Variants in CACNA1C observed in about 807,000 individuals in gnomAD.
CACNA1C encodes voltage-dependent L-type calcium channel subunit alpha-1C.
A neutral mutation model predicts 229.0 loss-of-function variants in CACNA1C; 30 were observed. That is an observed-to-expected ratio of 0.13 (90% CI 0.10 to 0.18). The LOEUF (loss-of-function observed/expected upper bound fraction) is 0.18, where lower values mean the gene tolerates loss of function less well. CACNA1C is among the 10% of genes least tolerant of loss of function. The pLI is 1.00. For missense variants in CACNA1C, 1,658 were observed against 2,845.0 expected (o/e 0.58, Z 9.49); for synonymous variants, 1,114 against 1,132.5 (o/e 0.98, Z 0.33).
Position 2,410,356 on chromosome 12 carries a change from C to T in CACNA1C, c.478-38620C>T, listed in dbSNP as rs951574944. ...AAAGGGCACAAGGCCCTTCGTGTCC[C>T]ACCACCTCCCTTCTCTCTGGAATCA... On this transcript the variant is annotated intron_variant, in intron 3 of 46. Coordinates refer to ENST00000399655, the MANE Select transcript of CACNA1C (RefSeq NM_000719.7). The surrounding 1 kb of genome is among the most constrained non-coding windows in gnomAD (Gnocchi z 5.3). Among the ~76,000 whole-genome samples the T allele has an allele frequency of 1.3e-5, 2 of 152,196 alleles. No individual in the cohort carries two copies. Among genetic ancestry groups the T allele is most frequent in the Non-Finnish European group, 2.9e-5 (2 of 68,036 alleles).
Position 2,471,640 on chromosome 12 carries a change from C to A in CACNA1C, c.757+13934C>A, listed in dbSNP as rs138957881. ...TTTCTTTCAGAACTTTAAAGATGTT[C>A]CATTTTCTCCTGGTTTCCACTGTCT... is the stretch of plus-strand genomic sequence containing the variant. On this transcript the variant is annotated intron_variant, in intron 5 of 46. Coordinates refer to ENST00000399655, the MANE Select transcript of CACNA1C (RefSeq NM_000719.7). Among the ~76,000 whole-genome samples the A allele has an allele frequency of 9.9e-5, 15 of 151,710 alleles. No individual in the cohort carries two copies. In the East Asian group the frequency reaches 2.7e-3, roughly 27 times the overall value.
chr12:2,484,794 A>G (rs1597718630), intron 5 of CACNA1C, among the ~76,000 whole-genome samples: 1 of 150,488 alleles, frequency 6.6e-6, no homozygotes, highest in Admixed American at 6.7e-5. Flanking sequence ...ACTAATGTGT[A>G]TACAACTTGC....
rs774180651 is a variant in CACNA1C, at chr12:2,108,631, G to T, written c.50-6593G>T. ...GGAGGGTGGAAGAGCTGCTGAGACC[G>T]CAAGTTTACCAGCCTCCCACCCACC... On this transcript the variant is annotated intron_variant, in intron 1 of 46. Transcript: ENST00000399655. This position sits in a 1 kb window ranked among gnomAD's most constrained non-coding sequence, Gnocchi z 5.3. 6.6e-6 allele frequency among the ~76,000 whole-genome samples: 1 copy of T among 152,168 alleles called. No individual in the cohort carries two copies. Among genetic ancestry groups the T allele is most frequent in the East Asian group, 1.9e-4 (1 of 5,188 alleles).
chr12:2,397,601 G>C (rs2098606692), intron 3 of CACNA1C, among the ~76,000 whole-genome samples: 1 of 152,226 alleles, frequency 6.6e-6, no homozygotes, highest in Admixed American at 6.5e-5. Context: ...GTGGTTGCAG[G>C]GGAATTTATG....
At chr12:2,093,837 G>A (rs1324299297) in intron 1 of CACNA1C, among the ~76,000 whole-genome samples, 1 of 152,230 alleles carries the variant, frequency 6.6e-6, no homozygotes, top group Non-Finnish European at 1.5e-5. Flanking sequence ...CCTAGTGCCT[G>A]CAGTTGCAGG....
chr12:2,147,556 A>G (rs1205454114), intron 3 of CACNA1C, among the ~76,000 whole-genome samples: 1 of 151,270 alleles, frequency 6.6e-6, no homozygotes, highest in African/African-American at 2.4e-5. Context: ...CATTAACTGC[A>G]TTATTGATGG....
At position 2,596,017 on chromosome 12, in the gene CACNA1C, G is replaced by C; in HGVS notation, c.2793+14G>C. 2 of 1,606,848 alleles carry C rather than the reference G, an allele frequency of 1.2e-6. No homozygotes were observed. Among genetic ancestry groups the C allele is most frequent in the South Asian group, 1.1e-5 (1 of 90,156 alleles). ...TTCAGGAACCATGTATGCATCGCCT[G>C]TGTCTTCTGCACTCCTTCCCCCTGG... On this transcript the variant is annotated intron_variant, in intron 20 of 46. Coordinates refer to ENST00000399655, the MANE Select transcript of CACNA1C (RefSeq NM_000719.7).
chr12:2,374,330 A>G lies in CACNA1C; in HGVS notation c.478-74646A>G, dbSNP rs566704138. On this transcript the variant is annotated intron_variant, in intron 3 of 46. Transcript: ENST00000399655. ...TATGTGGTTTTTTATTGTGGTGGCA[A>G]TTGTTTTTGCCATTTTCTGCTTTGG... Among the ~76,000 whole-genome samples, 305 of 152,264 alleles carry G rather than the reference A, an allele frequency of 2.0e-3. 3 individuals carry two copies. The highest frequency in any genetic ancestry group is 7.1e-3 in the African/African-American group (295 of 41,540).
intron 3 of CACNA1C, among the ~76,000 whole-genome samples, chr12:2,247,569 T>G (rs1463145320): frequency 1.3e-5 from 2 of 152,296 alleles, no homozygotes; most frequent in African/African-American, 4.8e-5. Flanking sequence ...CATGGCTGAG[T>G]TTCAGGCTTC....
chr12:2,609,898 C>T (rs929439959), intron 27 of CACNA1C, among the ~76,000 whole-genome samples: 6 of 151,944 alleles, frequency 3.9e-5, no homozygotes, highest in Non-Finnish European at 5.9e-5. Flanking sequence ...CCAAGGTGGG[C>T]GGATCACTTG....
chr12:1,992,495 A>G (rs2039667401), intron 1 of CACNA1C: 1 of 153,742 alleles, frequency 6.5e-6, no homozygotes, highest in African/African-American at 2.4e-5. Flanking sequence ...TCCACAAAGC[A>G]TAAGGTGCAT....
At chr12:2,378,448 A>T (rs1330183414) in intron 3 of CACNA1C, among the ~76,000 whole-genome samples, 2 of 152,216 alleles carry the variant, frequency 1.3e-5, no homozygotes, top group African/African-American at 4.8e-5. Context: ...GCCTGTCTTC[A>T]TTACCCATGA....
intron 9 of CACNA1C, among the ~76,000 whole-genome samples, chr12:2,534,821 C>T (rs865994905): frequency 5.3e-5 from 8 of 152,202 alleles, no homozygotes; most frequent in Admixed American, 1.3e-4. Context: ...AAGGTGGTGG[C>T]GAGGTCTCTT....
intron 3 of CACNA1C, among the ~76,000 whole-genome samples, chr12:2,437,541 A>G (rs908124691): frequency 2.0e-5 from 3 of 152,188 alleles, no homozygotes; most frequent in African/African-American, 7.2e-5. Context: ...TATATTGGAG[A>G]TAGTTTTTAC....
chr12:2,068,541 A>C (rs2060194950), intron 1 of CACNA1C, among the ~76,000 whole-genome samples: 2 of 152,228 alleles, frequency 1.3e-5, no homozygotes, highest in Admixed American at 6.5e-5. Flanking sequence ...TTGACTTCTC[A>C]TAGATGCCAA....
chr12:2,424,823 A>G (rs1230866713), intron 3 of CACNA1C, among the ~76,000 whole-genome samples: 4 of 152,230 alleles, frequency 2.6e-5, no homozygotes, highest in African/African-American at 4.8e-5. Context: ...GGCCATGGGC[A>G]TGGGCGCTGA....
rs909911423 is a variant in CACNA1C, at chr12:2,410,214, T to C, written c.478-38762T>C. On this transcript the variant is annotated intron_variant, in intron 3 of 46. Transcript: ENST00000399655. This position sits in a 1 kb window ranked among gnomAD's most constrained non-coding sequence, Gnocchi z 5.3. The stretch of plus-strand genomic sequence containing the variant: ...CCCCGCAGCACTGAGGCTTGGCCAG[T>C]CGTGATGCCTATGGCGACCGCAGAA... Among the ~76,000 whole-genome samples, 1 of 152,192 alleles carries C rather than the reference T, an allele frequency of 6.6e-6. No individual in the cohort carries two copies. Among genetic ancestry groups the C allele is most frequent in the Non-Finnish European group, 1.5e-5 (1 of 68,032 alleles).
rs1379444929 is a variant in CACNA1C at position 2,593,271 on chromosome 12, T to TGAGC, written c.2590_2593dup (p.Leu865ArgfsTer5). ...TCGGCCCTCGCCCACGACCACTCTC[T>TGAGC]GAGCTTCACCTTAAGGAAAAGGCAG... is the stretch of plus-strand genomic sequence containing the variant. On this transcript the variant is annotated frameshift_variant, in exon 19 of 47. Transcript: ENST00000399655. LOFTEE classifies it high-confidence loss of function. 6.2e-7 allele frequency: 1 copy of TGAGC among 1,613,804 alleles called. No homozygotes were observed. Among genetic ancestry groups the TGAGC allele is most frequent in the Non-Finnish European group, 8.5e-7 (1 of 1,179,822 alleles).
chr12:2,691,334 CGCGG>C lies in CACNA1C; in HGVS notation c.*136_*139del. The C allele has an allele frequency of 2.1e-6, 2 of 970,370 alleles. No homozygotes were observed. The highest frequency in any genetic ancestry group is 2.7e-6 in the Non-Finnish European group (2 of 727,418). 60.1% of individuals were successfully genotyped at this position (970,370 alleles called of 1,614,324 possible). ...TTCATTCATTTCTGTTGGGACCAGACGCGGAGCCTGGGTGCGCGAGCCGCCCTCC... is the reference window on the plus strand; with the variant it reads ...TTCATTCATTTCTGTTGGGACCAGACAGCCTGGGTGCGCGAGCCGCCCTCC... On this transcript the variant is annotated 3_prime_UTR_variant, in exon 47 of 47. Transcript: ENST00000399655.
Sources: gnomAD v4.1 joint callset for allele counts (sites outside exome capture counted in the v4.1 genomes callset) on GRCh38, gnomAD v4.1.1 for gene constraint, Gnocchi (gnomAD v3.1) non-coding constraint, MANE v1.5 for transcripts, NCBI Gene and HGNC (gene_info 2026-07-23, HGNC 2026-07-21) for gene names.